The following EDIL3 variants were observed in gnomAD, a reference collection of about 807,000 sequenced individuals.
EDIL3 encodes EGF like and discoidin domains 3.
In EDIL3, 37 loss-of-function variants were observed where a neutral mutation model predicts 67.4. That is an observed-to-expected ratio of 0.55 (90% CI 0.42 to 0.72). EDIL3 has a LOEUF of 0.72. Among genes scored for constraint, EDIL3 ranks in the 30% least tolerant of loss-of-function variants. EDIL3 has a pLI of 0.00. For missense variants in EDIL3, 527 were observed against 586.3 expected, an observed-to-expected ratio of 0.90 and a Z score of 1.04; for synonymous variants, 195 against 196.3, an observed-to-expected ratio of 0.99 and a Z score of 0.05.
chr5:84,367,846 C>A (rs1220730534), intron 1 of EDIL3, among the ~76,000 whole-genome samples: 3 of 152,110 alleles, frequency 2.0e-5, no homozygotes, highest in East Asian at 3.9e-4. Flanking sequence ...CCGTTTCTCT[C>A]CATTACAATA....
chr5:84,119,212 GTTTT>G (rs66522256), intron 5 of EDIL3, among the ~76,000 whole-genome samples: 11 of 82,304 alleles, frequency 1.3e-4, no homozygotes, highest in Non-Finnish European at 1.7e-4. Context: ...CATGCATTTG[GTTTT>G]TTTTTTTTTT....
chr5:84,138,525 A>G (rs978840277), intron 4 of EDIL3, among the ~76,000 whole-genome samples: 9 of 152,320 alleles, frequency 5.9e-5, no homozygotes, highest in African/African-American at 2.2e-4. Flanking sequence ...GTGCCTTCTG[A>G]TACCCTATAA....
chr5:84,030,844 T>A (rs1360874303), intron 9 of EDIL3, among the ~76,000 whole-genome samples: 1 of 152,182 alleles, frequency 6.6e-6, no homozygotes, highest in East Asian at 1.9e-4. Context: ...CACTTCTGTA[T>A]GCTTGACTAG....
chr5:84,093,610 C>G (rs182502194), intron 6 of EDIL3, among the ~76,000 whole-genome samples: 8 of 149,396 alleles, frequency 5.4e-5, no homozygotes. Context: ...TAGTGAGGCA[C>G]TGGGTACTCA....
At chr5:84,351,642 C>A (rs1208054806) in intron 1 of EDIL3, among the ~76,000 whole-genome samples, 1 of 152,170 alleles carries the variant, frequency 6.6e-6, no homozygotes, top group Non-Finnish European at 1.5e-5. Flanking sequence ...TTGCATTTAT[C>A]ATTTATGAAT....
At chr5:84,374,035 A>T (rs1747913177) in intron 1 of EDIL3, among the ~76,000 whole-genome samples, 1 of 152,186 alleles carries the variant, frequency 6.6e-6, no homozygotes. Flanking sequence ...TTCTGAAGCC[A>T]CTGAGGAAGT....
intron 1 of EDIL3, among the ~76,000 whole-genome samples, chr5:84,258,111 G>T (rs984537160): frequency 1.3e-5 from 2 of 152,102 alleles, no homozygotes; most frequent in African/African-American, 4.8e-5. Context: ...CATAATTAGG[G>T]TTATTATAGA....
chr5:84,350,696 CAT>C (rs112932968), intron 1 of EDIL3, among the ~76,000 whole-genome samples: 2,265 of 152,122 alleles, frequency 0.015, 64 homozygotes, highest in African/African-American at 0.052. Flanking sequence ...TCCATGGACA[CAT>C]GTTTTCTACC....
At chr5:84,340,534 C>CTCTATATA (rs1432966515) in intron 1 of EDIL3, among the ~76,000 whole-genome samples, 37 of 54,202 alleles carry the variant, frequency 6.8e-4, no homozygotes, top group Non-Finnish European at 1.1e-3. Flanking sequence ...CTCTCTCTCT[C>CTCTATATA]TATATATATA....
chr5:84,000,021 C>G (rs1009897758), intron 9 of EDIL3, among the ~76,000 whole-genome samples: 9 of 146,760 alleles, frequency 6.1e-5, no homozygotes, highest in Non-Finnish European at 1.2e-4. Flanking sequence ...AAAAAAAAAA[C>G]TTTTATTCTA....
At position 84,209,180 on chromosome 5, in the gene EDIL3, A is replaced by T. The variant is rs543539250; in HGVS notation, c.226+20675T>A. On this transcript the variant is annotated intron_variant, in intron 3 of 10. Coordinates refer to ENST00000296591, the MANE Select transcript of EDIL3 (RefSeq NM_005711.5). ...CATAGATGGGAATTGAACAATGAGA[A>T]CACATGGACACAGGAAGGGGAACAT... is the stretch of plus-strand genomic sequence containing the variant. Among the ~76,000 whole-genome samples the T allele has an allele frequency of 3.0e-4, 46 of 151,540 alleles. 1 individual carries two copies. Among genetic ancestry groups the T allele is most frequent in the Non-Finnish European group, 3.7e-4 (25 of 67,910 alleles).
chr5:84,026,810 G>A (rs894455229), intron 9 of EDIL3, among the ~76,000 whole-genome samples: 1 of 152,122 alleles, frequency 6.6e-6, no homozygotes, highest in African/African-American at 2.4e-5. Flanking sequence ...GGCTCAAAAT[G>A]TCTCATGTAA....
rs1745681959 is a variant in EDIL3, at chr5:84,280,906, A to AC, written c.68-26695dup. ...TTTGAAGCTACAGTGAATGAAGATC[A>AC]CCCCCTGCACTCCAGCCTGGGCAAC... On this transcript the variant is annotated intron_variant, in intron 1 of 10. Transcript: ENST00000296591. Among the ~76,000 whole-genome samples, 6 of 130,846 alleles carry AC rather than the reference A, an allele frequency of 4.6e-5. No homozygotes were observed. The South Asian group carries it at 1.4e-3, about 31-fold the overall frequency. The allele number at this position is 130,846 out of a possible 152,430, so 85.8% of individuals were successfully genotyped here. A position where few individuals can be genotyped will look rare whatever the true frequency, so the allele number is the denominator to read the frequency against.
At chr5:84,309,132 C>A (rs910536953) in intron 1 of EDIL3, among the ~76,000 whole-genome samples, 4 of 152,132 alleles carry the variant, frequency 2.6e-5, no homozygotes, top group Admixed American at 6.5e-5. Flanking sequence ...ACTCCTATGG[C>A]ATAATTATGT....
chr5:84,002,083 T>C (rs915282080), intron 9 of EDIL3, among the ~76,000 whole-genome samples: 27 of 152,290 alleles, frequency 1.8e-4, no homozygotes, highest in Admixed American at 4.6e-4. Flanking sequence ...TCATTCATAA[T>C]GACCAAGTGG....
At chr5:83,982,459 T>C (rs751676438) in intron 9 of EDIL3, among the ~76,000 whole-genome samples, 2 of 152,118 alleles carry the variant, frequency 1.3e-5, no homozygotes, top group Non-Finnish European at 2.9e-5. Flanking sequence ...CCTCCCAGGC[T>C]TTCCTGAATA....
At chr5:84,064,876 C>T in intron 7 of EDIL3, 32 bp from the exon 8 acceptor site, 1 of 1,584,522 alleles carries the variant, frequency 6.3e-7, no homozygotes, top group Non-Finnish European at 8.6e-7. Context: ...TTATTCACTG[C>T]AACAGCTTAT....
intron 5 of EDIL3, among the ~76,000 whole-genome samples, chr5:84,123,514 A>C: frequency 6.6e-6 from 1 of 151,942 alleles, no homozygotes; most frequent in East Asian, 1.9e-4. Context: ...TATCTGTGTC[A>C]ACAGATTAGA....
At chr5:84,344,147 C>T (rs1003632902) in intron 1 of EDIL3, among the ~76,000 whole-genome samples, 2 of 152,106 alleles carry the variant, frequency 1.3e-5, no homozygotes, top group Admixed American at 6.6e-5. Flanking sequence ...CCAGTATAGA[C>T]ACAAAGTTTG....
Sources: gnomAD v4.1 joint callset for allele counts (sites outside exome capture counted in the v4.1 genomes callset) on GRCh38, gnomAD v4.1.1 for gene constraint, MANE v1.5 for transcripts, NCBI Gene and HGNC (gene_info 2026-07-23, HGNC 2026-07-21) for gene names.